Variants in KIAA1217 observed in about 807,000 individuals in gnomAD.
KIAA1217 encodes the protein sickle tail protein homolog.
In KIAA1217, 88 loss-of-function variants were observed where a neutral mutation model predicts 163.9. That is an observed-to-expected ratio of 0.54 (90% CI 0.45 to 0.64). KIAA1217 has a LOEUF of 0.64. Ranked by LOEUF, KIAA1217 falls within the 30% of genes least tolerant of loss-of-function variation. KIAA1217 has a pLI of 0.00. For synonymous variants in KIAA1217, 903 were observed against 923.1 expected, an observed-to-expected ratio of 0.98 and a Z score of 0.39; for missense variants, 2,372 against 2,475.0, an observed-to-expected ratio of 0.96 and a Z score of 0.88.
intron 2 of KIAA1217, among the ~76,000 whole-genome samples, chr10:24,111,941 T>TTTG (rs143328296): frequency 1.4e-4 from 21 of 152,074 alleles, no homozygotes; most frequent in South Asian, 8.3e-4. Context: ...CTAATTTGTT[T>TTTG]TTGTTGTTGT....
At chr10:24,456,191 C>A (rs555979529) in intron 5 of KIAA1217, among the ~76,000 whole-genome samples, 10 of 152,254 alleles carry the variant, frequency 6.6e-5, no homozygotes, top group African/African-American at 2.4e-4. Context: ...CAGCCTGGAC[C>A]ATTTTCTCAA....
chr10:24,387,046 T>C (rs555198075), intron 3 of KIAA1217, among the ~76,000 whole-genome samples: 2 of 152,314 alleles, frequency 1.3e-5, no homozygotes, highest in South Asian at 4.1e-4. Context: ...AAGTTCATGG[T>C]CAGGCTCTTA....
intron 2 of KIAA1217, among the ~76,000 whole-genome samples, chr10:24,028,533 C>G (rs10828588): frequency 0.22 from 33,458 of 151,978 alleles, 4,456 homozygotes; most frequent in Middle Eastern, 0.4. Context: ...ATTTGTAAAA[C>G]TATGAAAGAA....
chr10:24,172,461 C>T (rs567168630), intron 2 of KIAA1217, among the ~76,000 whole-genome samples: 5 of 152,140 alleles, frequency 3.3e-5, no homozygotes, highest in Non-Finnish European at 5.9e-5. Flanking sequence ...TCTCTGGGTT[C>T]GGGTCTTGAC....
At chr10:24,341,781 C>G (rs896753269) in intron 2 of KIAA1217, among the ~76,000 whole-genome samples, 2 of 151,890 alleles carry the variant, frequency 1.3e-5, no homozygotes, top group African/African-American at 4.8e-5. Context: ...AGCCATTGAA[C>G]TTTTATTAGT....
intron 2 of KIAA1217, among the ~76,000 whole-genome samples, chr10:24,170,863 G>C (rs1321732358): frequency 6.6e-6 from 1 of 152,220 alleles, no homozygotes; most frequent in Non-Finnish European, 1.5e-5. Context: ...TGAGTGAAGG[G>C]GGCCCACATC....
At chr10:23,934,569 A>ATATATATATATATATG (rs1843405161) in intron 1 of KIAA1217, among the ~76,000 whole-genome samples, 1 of 77,192 alleles carries the variant, frequency 1.3e-5, no homozygotes, top group Non-Finnish European at 2.1e-5. Flanking sequence ...ATATATATAT[A>ATATATATATATATATG]TATATATATA....
chr10:23,716,388 T>C (rs546930081), intron 1 of KIAA1217, among the ~76,000 whole-genome samples: 1 of 152,204 alleles, frequency 6.6e-6, no homozygotes, highest in Admixed American at 6.6e-5. Context: ...ATAGTTTGTG[T>C]GTGTATCTGT....
intron 2 of KIAA1217, among the ~76,000 whole-genome samples, chr10:24,361,685 G>C (rs561422024): frequency 6.6e-6 from 1 of 152,066 alleles, no homozygotes; most frequent in Admixed American, 6.6e-5. Flanking sequence ...ATTAGAAATA[G>C]AATGGCTGGG....
chr10:24,110,013 G>A (rs938074265), intron 2 of KIAA1217, among the ~76,000 whole-genome samples: 8 of 152,176 alleles, frequency 5.3e-5, no homozygotes, highest in Non-Finnish European at 1.0e-4. Context: ...CTACAGGCAC[G>A]CCACTATGCG....
At chr10:24,107,123 A>C (rs1220925207) in intron 2 of KIAA1217, among the ~76,000 whole-genome samples, 1 of 152,220 alleles carries the variant, frequency 6.6e-6, no homozygotes, top group Non-Finnish European at 1.5e-5. Flanking sequence ...CTTATAAGTG[A>C]GAACATGCAG....
chr10:23,739,130 A>G lies in KIAA1217; in HGVS notation c.-321+43896A>G, dbSNP rs1838966170. Among the ~76,000 whole-genome samples the G allele has an allele frequency of 2.6e-5, 4 of 152,226 alleles. No individual in the cohort carries two copies. In the South Asian group the frequency reaches 8.3e-4, roughly 31 times the overall value. On this transcript the variant is annotated intron_variant, in intron 1 of 18. Transcript: ENST00000376462. The stretch of plus-strand genomic sequence containing the variant: ...GGATGGAACTGGAGGTCACCATTTT[A>G]AGTGAAACAATTCAGAAACATAAAG...
Position 24,209,274 on chromosome 10 carries a change from G to A in KIAA1217, c.70+11G>A. 6.2e-7 allele frequency: 1 copy of A among 1,608,528 alleles called. No individual in the cohort carries two copies. Among genetic ancestry groups the A allele is most frequent in the Non-Finnish European group, 8.5e-7 (1 of 1,175,872 alleles). The stretch of plus-strand genomic sequence containing the variant: ...GAAGACAGATGCAGGGTAAGTAACA[G>A]ACCCATTCAAAGATGGAGTTACAGG... On this transcript the variant is annotated intron_variant, in intron 1 of 20. Transcript: ENST00000376454.
chr10:24,485,699 A>G (rs1046230848), intron 6 of KIAA1217, among the ~76,000 whole-genome samples: 4 of 152,302 alleles, frequency 2.6e-5, no homozygotes, highest in East Asian at 1.9e-4. Context: ...ACACATCCTC[A>G]ATGGTTTACA....
intron 1 of KIAA1217, among the ~76,000 whole-genome samples, chr10:23,757,190 A>C (rs1301877319): frequency 6.6e-6 from 1 of 152,056 alleles, no homozygotes; most frequent in Non-Finnish European, 1.5e-5. Context: ...ATGTCTGTGG[A>C]AATATATCTT....
chr10:24,404,546 A>G (rs923467443), intron 3 of KIAA1217, among the ~76,000 whole-genome samples: 4 of 144,208 alleles, frequency 2.8e-5, no homozygotes, highest in Non-Finnish European at 6.0e-5. Context: ...CAGGGTGGGC[A>G]ACAGAATGAG....
chr10:23,893,810 C>G (rs1841536147), intron 1 of KIAA1217, among the ~76,000 whole-genome samples: 1 of 152,078 alleles, frequency 6.6e-6, no homozygotes, highest in Non-Finnish European at 1.5e-5. Flanking sequence ...TGGGCTTCAT[C>G]CCTGGGATGC....
chr10:23,830,569 C>T (rs566843091), intron 1 of KIAA1217, among the ~76,000 whole-genome samples: 1 of 152,028 alleles, frequency 6.6e-6, no homozygotes, highest in African/African-American at 2.4e-5. Flanking sequence ...AGTTTCCTCC[C>T]TTGCAGGTAT....
chr10:23,814,980 C>T (rs774913065), intron 1 of KIAA1217, among the ~76,000 whole-genome samples: 4 of 152,112 alleles, frequency 2.6e-5, no homozygotes, highest in Non-Finnish European at 4.4e-5. Flanking sequence ...ATAAATTCCC[C>T]AGGCTTAGCA....
Sources: allele counts gnomAD v4.1 joint callset (sites outside exome capture counted in the v4.1 genomes callset), GRCh38; gene constraint gnomAD v4.1.1; transcripts MANE v1.5; gene names NCBI Gene and HGNC (gene_info 2026-07-23, HGNC 2026-07-21).